The following MYO1D variants were observed in gnomAD, a reference collection of about 807,000 sequenced individuals.
The protein encoded by MYO1D is myosin ID.
A neutral mutation model predicts 122.0 loss-of-function variants in MYO1D; 83 were observed. The ratio of observed to expected loss-of-function variants is 0.68; its 90% confidence interval spans 0.57 to 0.82. MYO1D has a LOEUF of 0.82. MYO1D is among the 40% of genes least tolerant of loss of function. The probability of loss-of-function intolerance (pLI) is 0.00; values close to 1 mark genes in which losing one functional copy is unlikely to be tolerated. For synonymous variants in MYO1D, 464 were observed against 446.9 expected (o/e 1.04, Z -0.48); for missense variants, 1,157 against 1,269.5 (o/e 0.91, Z 1.35).
intron 21 of MYO1D, among the ~76,000 whole-genome samples, chr17:32,572,976 T>A (rs756941002): frequency 2.0e-5 from 3 of 152,092 alleles, no homozygotes; most frequent in Non-Finnish European, 4.4e-5. Flanking sequence ...TTTCTTAGCG[T>A]TCATACCCCT....
chr17:32,690,269 G>A (rs914707533), intron 16 of MYO1D, among the ~76,000 whole-genome samples: 11 of 150,182 alleles, frequency 7.3e-5, no homozygotes, highest in African/African-American at 2.5e-4. Flanking sequence ...TGCACCTCCC[G>A]GGCTCAAGCA....
In MYO1D at chr17:32,494,782, TG is replaced by T; in HGVS notation, c.2997del (p.Phe999LeufsTer38). On this transcript the variant is annotated frameshift_variant, in exon 22 of 22. Coordinates refer to ENST00000318217, the MANE Select transcript of MYO1D (RefSeq NM_015194.3). LOFTEE classifies it high-confidence loss of function. ...QPDFTKNRSG[F>X]ILSVPGN The stretch of plus-strand genomic sequence containing the variant: ...CGTCAGTTCCCGGGCACGCTGAGGA[TG>T]AAGCCCGAGCGATTCTTGGTGAAGT... The T allele has an allele frequency of 6.2e-7, 1 of 1,610,012 alleles. No individual in the cohort carries two copies. Among genetic ancestry groups the T allele is most frequent in the Non-Finnish European group, 8.5e-7 (1 of 1,178,266 alleles).
At chr17:32,735,667 C>T (rs559938967) in intron 14 of MYO1D, among the ~76,000 whole-genome samples, 43 of 152,026 alleles carry the variant, frequency 2.8e-4, no homozygotes, top group African/African-American at 1.0e-3. Flanking sequence ...TGATGGTGGA[C>T]TTGTCAATTT....
intron 1 of MYO1D, among the ~76,000 whole-genome samples, chr17:32,825,463 TG>T (rs1446177027): frequency 2.6e-5 from 4 of 152,072 alleles, no homozygotes; most frequent in African/African-American, 9.7e-5. Flanking sequence ...GGCTAATTTT[TG>T]TATTTTTTTG....
At chr17:32,857,584 C>CAAAA (rs563112277) in intron 1 of MYO1D, among the ~76,000 whole-genome samples, 2 of 107,834 alleles carry the variant, frequency 1.9e-5, no homozygotes, top group East Asian at 2.5e-4. Context: ...GACTCCACCT[C>CAAAA]AAAAAAAAAA....
At position 32,605,331 on chromosome 17, in the gene MYO1D, G is replaced by A. The variant is rs2087613896; in HGVS notation, c.2710-90C>T. 1.2e-5 allele frequency: 15 copies of A among 1,233,864 alleles called. No homozygotes were observed. In the South Asian group the frequency reaches 2.6e-4, roughly 21 times the overall value. The allele number at this position is 1,233,864 out of a possible 1,614,324, so 76.4% of individuals were successfully genotyped here. Reference sequence around the variant, plus strand: ...ATTTTGGAGCTGGGCATGGTGGCATGTGCCTGTAGTCCCAGCTACTTGGGA... The same window carrying A: ...ATTTTGGAGCTGGGCATGGTGGCATATGCCTGTAGTCCCAGCTACTTGGGA... On this transcript the variant is annotated intron_variant, in intron 20 of 21. Transcript: ENST00000318217.
Position 32,686,041 on chromosome 17 carries a change from C to A in MYO1D, c.2121+25947G>T, listed in dbSNP as rs576411795. Among the ~76,000 whole-genome samples, 33 of 152,094 alleles carry A rather than the reference C, an allele frequency of 2.2e-4. No homozygotes were observed. In the South Asian group the frequency reaches 5.8e-3, roughly 27 times the overall value. On this transcript the variant is annotated intron_variant, in intron 16 of 21. Transcript: ENST00000318217. ...TGAACAATGGTCCTTAAAAATTAGC[C>A]AAAATAGCCAACTGCAAATCTCTGT...
At chr17:32,645,809 C>CT (rs1255241901) in intron 19 of MYO1D, among the ~76,000 whole-genome samples, 2 of 152,060 alleles carry the variant, frequency 1.3e-5, no homozygotes, top group Non-Finnish European at 2.9e-5. Context: ...TTCATCTAAT[C>CT]TTTTTTCAAG....
chr17:32,857,883 A>G (rs1015195909), intron 1 of MYO1D, among the ~76,000 whole-genome samples: 2 of 152,194 alleles, frequency 1.3e-5, no homozygotes, highest in Admixed American at 6.5e-5. Flanking sequence ...CGGGGGTTAC[A>G]TATCTTTTCA....
intron 20 of MYO1D, among the ~76,000 whole-genome samples, chr17:32,607,653 A>C (rs531372517): frequency 2.6e-5 from 4 of 152,338 alleles, no homozygotes; most frequent in African/African-American, 9.6e-5. Context: ...GTAGGTATCA[A>C]CAAGCAGATT....
intron 1 of MYO1D, among the ~76,000 whole-genome samples, chr17:32,817,319 CT>C (rs1396066399): frequency 6.6e-6 from 1 of 152,138 alleles, no homozygotes; most frequent in Admixed American, 6.5e-5. Context: ...ACTGAAGCTT[CT>C]TTATGTTGCT....
rs201430613 is a variant in MYO1D at position 32,494,906 on chromosome 17, G to A, written c.2874C>T (p.Arg958=). ...VLVNHFKSEK[R]HLQVNVTNPV... ...GGTTGGTGACGTTCACTTGAAGGTG[G>A]CGCTTCTCACTGCAGGAACCAAAAA... The change falls in exon 22 of 22, where the codon CGC becomes CGT. Residue 958 remains arginine, a synonymous_variant. Coordinates refer to ENST00000318217, the MANE Select transcript of MYO1D (RefSeq NM_015194.3). 15 of 1,600,022 alleles carry A rather than the reference G, an allele frequency of 9.4e-6. No individual in the cohort carries two copies. The highest frequency in any genetic ancestry group is 1.7e-5 in the Admixed American group (1 of 58,992).
chr17:32,567,471 C>T (rs1021518710), intron 21 of MYO1D, among the ~76,000 whole-genome samples: 1 of 152,182 alleles, frequency 6.6e-6, no homozygotes, highest in African/African-American at 2.4e-5. Flanking sequence ...CAGGTGTTGT[C>T]GTCACAATCC....
intron 1 of MYO1D, among the ~76,000 whole-genome samples, chr17:32,866,649 T>A (rs1396148900): frequency 6.6e-6 from 1 of 152,248 alleles, no homozygotes; most frequent in Non-Finnish European, 1.5e-5. Context: ...GGGATTCTTA[T>A]CAACCTAACT....
chr17:32,862,003 G>A (rs890396373), intron 1 of MYO1D, among the ~76,000 whole-genome samples: 11 of 152,182 alleles, frequency 7.2e-5, no homozygotes, highest in Non-Finnish European at 1.6e-4. Context: ...GGGCAATAGA[G>A]CCAGACCTTG....
rs1207037612 is a variant in MYO1D, at chr17:32,833,282, C to T, written c.95+43496G>A. Among the ~76,000 whole-genome samples, 6 of 152,178 alleles carry T rather than the reference C, an allele frequency of 3.9e-5. No individual in the cohort carries two copies. The East Asian group carries it at 7.7e-4, about 20-fold the overall frequency. On this transcript the variant is annotated intron_variant, in intron 1 of 21. Transcript: ENST00000318217. Reference sequence around the variant, plus strand: ...CTAGAATCTGTTTATCTTCAAAGTACATACAGAAGCCACCCGTCTTCAAAG... The same window carrying T: ...CTAGAATCTGTTTATCTTCAAAGTATATACAGAAGCCACCCGTCTTCAAAG...
chr17:32,703,891 T>C (rs1403581480), intron 16 of MYO1D, among the ~76,000 whole-genome samples: 2 of 152,160 alleles, frequency 1.3e-5, no homozygotes, highest in Non-Finnish European at 2.9e-5. Flanking sequence ...TGGGAATTAA[T>C]GAATATGACA....
intron 19 of MYO1D, among the ~76,000 whole-genome samples, chr17:32,641,714 T>C (rs956869886): frequency 8.5e-5 from 13 of 152,256 alleles, no homozygotes; most frequent in African/African-American, 2.7e-4. Flanking sequence ...ATGTGTGTGT[T>C]GGCTGCATAA....
At chr17:32,770,691 G>A (rs1598084491) in intron 6 of MYO1D, among the ~76,000 whole-genome samples, 1 of 151,952 alleles carries the variant, frequency 6.6e-6, no homozygotes, top group African/African-American at 2.4e-5. Flanking sequence ...TTATTTCTAG[G>A]GTACATCAAA....
Sources: gnomAD v4.1 joint callset for allele counts (sites outside exome capture counted in the v4.1 genomes callset) on GRCh38, gnomAD v4.1.1 for gene constraint, MANE v1.5 for transcripts, NCBI Gene and HGNC (gene_info 2026-07-23, HGNC 2026-07-21) for gene names.